Variants in C18orf63 observed in about 807,000 individuals in gnomAD.
C18orf63 encodes the protein uncharacterized protein C18orf63.
C18orf63 carries 50 observed loss-of-function variants against 75.3 expected under a neutral mutation model. The observed-to-expected ratio is 0.66, with a 90% CI of 0.53 to 0.84. The LOEUF (loss-of-function observed/expected upper bound fraction) is 0.84. Ranked by LOEUF, C18orf63 falls within the 40% of genes least tolerant of loss-of-function variation. The pLI, the probability that C18orf63 is intolerant of heterozygous loss-of-function variation, is 0.00. For synonymous variants in C18orf63, 232 were observed against 267.6 expected (o/e 0.87, Z 1.30); for missense variants, 732 against 800.2 (o/e 0.91, Z 1.03).
At chr18:74,338,185 C>T (rs1329884765) in intron 7 of C18orf63, among the ~76,000 whole-genome samples, 3 of 151,934 alleles carry the variant, frequency 2.0e-5, no homozygotes, top group African/African-American at 7.3e-5. Flanking sequence ...AGGTTAAATA[C>T]AAGCCAAAAT....
chr18:74,325,860 A>ATAT (rs1349870310), intron 4 of C18orf63, among the ~76,000 whole-genome samples: 1 of 152,212 alleles, frequency 6.6e-6, no homozygotes, highest in Admixed American at 6.5e-5. Flanking sequence ...CTGAAGTGAT[A>ATAT]ACTCACACCA....
At chr18:74,352,646 C>T (rs1456519606) in intron 11 of C18orf63, among the ~76,000 whole-genome samples, 2 of 152,150 alleles carry the variant, frequency 1.3e-5, no homozygotes, top group African/African-American at 2.4e-5. Context: ...GCCACCTCTT[C>T]ATTAATTTCT....
At position 74,328,777 on chromosome 18, in the gene C18orf63, T is replaced by A. The variant is rs576352196; in HGVS notation, c.383-218T>A. Among the ~76,000 whole-genome samples, 4 of 152,310 alleles carry A rather than the reference T, an allele frequency of 2.6e-5. No homozygotes were observed. In the South Asian group the frequency reaches 8.3e-4, roughly 32 times the overall value. ...AATATTTTATAGCAGGAAATAGACA[T>A]TTGGGGGAAGAATTGGGTATTTCCA... On this transcript the variant is annotated intron_variant, in intron 5 of 13. Transcript: ENST00000579455.
chr18:74,354,476 C>G lies in C18orf63; in HGVS notation c.2021C>G (p.Ser674Ter), dbSNP rs992233845. The G allele has an allele frequency of 6.1e-6, 9 of 1,479,118 alleles. No homozygotes were observed. The African/African-American group carries it at 9.8e-5, about 16-fold the overall frequency. 91.6% of individuals were successfully genotyped at this position (1,479,118 alleles called of 1,614,324 possible). ...ATACAGATACTTGACTCGGATAAAT[C>G]AAAACTTAAGAAATCTCTCATCATT... ...SKKQILDSDKSKLKKSLIIHN... is the reference protein window; with the variant it reads ...SKKQILDSDK Residue 674 changes from serine to a stop codon, truncating the protein, a stop_gained, in exon 13 of 14, where the codon TCA (serine) becomes TGA (stop). Coordinates refer to ENST00000579455, the MANE Select transcript of C18orf63 (RefSeq NM_001174123.2). LOFTEE classifies it high-confidence loss of function.
rs766213595 is a variant in C18orf63, at chr18:74,320,528, G to A, written c.150G>A (p.Leu50=). 1.3e-6 allele frequency: 2 copies of A among 1,533,016 alleles called. No homozygotes were observed. Among genetic ancestry groups the A allele is most frequent in the South Asian group, 1.2e-5 (1 of 83,648 alleles). 95.0% of individuals were successfully genotyped at this position (1,533,016 alleles called of 1,614,324 possible). The part of the protein sequence containing the change: ...QMKMCRQLLF[L]HQDILTSPVS... Reference sequence around the variant, plus strand: ...ATCTCCACAGGCAATTGCTGTTTTTGCATCAAGATATTCTTACATCACCTG... The same window carrying A: ...ATCTCCACAGGCAATTGCTGTTTTTACATCAAGATATTCTTACATCACCTG... Residue 50 remains leucine, a synonymous_variant, in exon 3 of 14, where the codon TTG becomes TTA. Transcript: ENST00000579455.
At chr18:74,343,761 G>T in intron 11 of C18orf63, 59 bp downstream of exon 11, 1 of 1,157,992 alleles carries the variant, frequency 8.6e-7, no homozygotes, top group Non-Finnish European at 1.2e-6. Context: ...TATTTTACTT[G>T]AATCTCTTGT....
chr18:74,333,889 T>G (rs534316142), intron 7 of C18orf63, among the ~76,000 whole-genome samples: 185 of 152,346 alleles, frequency 1.2e-3, no homozygotes, highest in Middle Eastern at 6.8e-3. Context: ...CAACATGTAC[T>G]TGTTAAATTA....
At chr18:74,355,952 C>T (rs768744931) in intron 13 of C18orf63, among the ~76,000 whole-genome samples, 15 of 151,934 alleles carry the variant, frequency 9.9e-5, no homozygotes, top group South Asian at 6.3e-4. Context: ...CCAGCTACTT[C>T]GGGGACTGAG....
In C18orf63 at chr18:74,322,691, G is replaced by T; in HGVS notation, c.214-7G>T. ...GTCCTTTTTATAAATGTGGATTTTT[G>T]TTACAGATACCATTTTATAAAGCAA... On this transcript the variant is annotated splice_region_variant and splice_polypyrimidine_tract_variant and intron_variant, in intron 3 of 13. Coordinates refer to ENST00000579455, the MANE Select transcript of C18orf63 (RefSeq NM_001174123.2). The T allele has an allele frequency of 8.4e-7, 1 of 1,192,084 alleles. No individual in the cohort carries two copies. Among genetic ancestry groups the T allele is most frequent in the Non-Finnish European group, 1.2e-6 (1 of 861,940 alleles). 73.8% of individuals were successfully genotyped at this position (1,192,084 alleles called of 1,614,324 possible). A position where few individuals can be genotyped will look rare whatever the true frequency, so the allele number is the denominator to read the frequency against.
At chr18:74,340,643 G>A (rs1446391426) in intron 8 of C18orf63, among the ~76,000 whole-genome samples, 5 of 151,970 alleles carry the variant, frequency 3.3e-5, no homozygotes, top group African/African-American at 1.2e-4. Context: ...AGAAGTATGT[G>A]GTATATACAC....
chr18:74,356,905 C>G lies in C18orf63; in HGVS notation c.*458C>G, dbSNP rs749481652. The G allele has an allele frequency of 2.0e-5, 3 of 151,720 alleles. No homozygotes were observed. Among genetic ancestry groups the G allele is most frequent in the Admixed American group, 6.6e-5 (1 of 15,196 alleles). The allele number at this position is 151,720 out of a possible 1,614,324, so 9.4% of individuals were successfully genotyped here. On this transcript the variant is annotated 3_prime_UTR_variant, in exon 14 of 14. Coordinates refer to ENST00000579455, the MANE Select transcript of C18orf63 (RefSeq NM_001174123.2). ...GTTTCATCTGTTCCTCACAGACATG[C>G]TTTTTTTTGCTATAATCTTTTAAAG...
intron 11 of C18orf63, among the ~76,000 whole-genome samples, chr18:74,346,840 C>A (rs1984583454): frequency 6.6e-6 from 1 of 152,122 alleles, no homozygotes; most frequent in African/African-American, 2.4e-5. Flanking sequence ...TTTCTGCATG[C>A]CAGCTGCTTT....
chr18:74,325,675 A>G (rs1441197848), intron 4 of C18orf63, among the ~76,000 whole-genome samples: 1 of 152,224 alleles, frequency 6.6e-6, no homozygotes, highest in Non-Finnish European at 1.5e-5. Context: ...AGTTCTATTC[A>G]TAGCCCTTAG....
At chr18:74,329,064 T>C in intron 6 of C18orf63, 28 bp downstream of exon 6, 1 of 1,335,412 alleles carries the variant, frequency 7.5e-7, no homozygotes, top group Non-Finnish European at 1.0e-6. Flanking sequence ...AGTCAATAGA[T>C]AAAACAATAT....
chr18:74,346,595 C>A (rs1984579733), intron 11 of C18orf63, among the ~76,000 whole-genome samples: 1 of 152,012 alleles, frequency 6.6e-6, no homozygotes, highest in Non-Finnish European at 1.5e-5. Flanking sequence ...AGTTGCAGGC[C>A]AAATATGAAC....
chr18:74,353,288 C>G lies in C18orf63; in HGVS notation c.1021C>G (p.Leu341Val). Residue 341 changes from leucine (L) to valine (V), a missense_variant, in exon 12 of 14, where the codon CTT (leucine) becomes GTT (valine). By Grantham distance (32) the Leu-to-Val change is conservative. This residue lies in a region of C18orf63 where 495 missense variants were observed against 508.7 expected (regional missense o/e 0.97). Transcript: ENST00000579455. Reference sequence around the variant, plus strand: ...ACCCAATTTGACCACTAAAAAAATGCTTAGGGCATCTCTGACTCAAGCCAC... The same window carrying G: ...ACCCAATTTGACCACTAAAAAAATGGTTAGGGCATCTCTGACTCAAGCCAC... ...KPPNLTTKKMLRASLTQATSR... is the reference protein window; with the variant it reads ...KPPNLTTKKMVRASLTQATSR... The G allele has an allele frequency of 6.5e-7, 1 of 1,536,336 alleles. No individual in the cohort carries two copies. Among genetic ancestry groups the G allele is most frequent in the Non-Finnish European group, 8.7e-7 (1 of 1,146,900 alleles).
At chr18:74,316,440 G>A (rs896534971) in intron 1 of C18orf63, among the ~76,000 whole-genome samples, 2 of 152,202 alleles carry the variant, frequency 1.3e-5, no homozygotes, top group African/African-American at 2.4e-5. Flanking sequence ...GTCTGGGGCC[G>A]CCCTGAACCC....
At chr18:74,354,391 A>G in intron 12 of C18orf63, 66 bp from the exon 13 acceptor site, 1 of 1,243,502 alleles carries the variant, frequency 8.0e-7, no homozygotes, top group East Asian at 2.5e-5. Context: ...CAGAATATCT[A>G]CCCTAGAGCG....
chr18:74,354,383 G>C (rs1379538916), intron 12 of C18orf63, 74 bp from the exon 13 acceptor site: 17 of 1,238,558 alleles, frequency 1.4e-5, no homozygotes, highest in Non-Finnish European at 1.9e-5. Flanking sequence ...TTAATAAACA[G>C]AATATCTACC....
Sources: allele counts gnomAD v4.1 joint callset (sites outside exome capture counted in the v4.1 genomes callset), GRCh38; gene constraint gnomAD v4.1.1; regional missense constraint gnomAD v4.1.1; transcripts MANE v1.5; gene names NCBI Gene and HGNC (gene_info 2026-07-23, HGNC 2026-07-21).